Variants in FAR2 observed in about 807,000 individuals in gnomAD.
FAR2 encodes the protein epididymis secretory protein Li 81.
A neutral mutation model predicts 56.0 loss-of-function variants in FAR2; 19 were observed. That is an observed-to-expected ratio of 0.34 (90% CI 0.24 to 0.50). FAR2 has a LOEUF of 0.50. FAR2 is among the 20% of genes least tolerant of loss of function. FAR2 has a pLI of 0.98. For synonymous variants in FAR2, 219 were observed against 218.8 expected, an observed-to-expected ratio of 1.00 and a Z score of -0.01; for missense variants, 508 against 642.2, an observed-to-expected ratio of 0.79 and a Z score of 2.26.
At chr12:29,206,968 TGAA>T (rs1455285882) in intron 1 of FAR2, among the ~76,000 whole-genome samples, 9 of 152,132 alleles carry the variant, frequency 5.9e-5, no homozygotes, top group South Asian at 4.2e-4. Context: ...TGGGAATGTC[TGAA>T]GAAGGACATA....
chr12:29,254,686 T>G (rs2136682531), intron 1 of FAR2, among the ~76,000 whole-genome samples: 1 of 152,296 alleles, frequency 6.6e-6, no homozygotes, highest in Non-Finnish European at 1.5e-5. Flanking sequence ...CCATGGTAGC[T>G]CATGCCTGTA....
rs530493817 is a variant in FAR2 at position 29,227,621 on chromosome 12, T to G, written c.-38-42791T>G. ...GCCCTGTACACAGGAATATAACAAC[T>G]GATTGTCTCCAGGCAGTTTTACCTA... On this transcript the variant is annotated intron_variant, in intron 1 of 11. Coordinates refer to ENST00000536681, the MANE Select transcript of FAR2 (RefSeq NM_001271783.2). Among the ~76,000 whole-genome samples the G allele has an allele frequency of 2.6e-5, 4 of 152,340 alleles. No homozygotes were observed. The South Asian group carries it at 6.2e-4, about 24-fold the overall frequency.
At chr12:29,240,899 G>T (rs1478349047) in intron 1 of FAR2, among the ~76,000 whole-genome samples, 1 of 152,010 alleles carries the variant, frequency 6.6e-6, no homozygotes, top group Non-Finnish European at 1.5e-5. Context: ...TCCGCTTCCT[G>T]GGTTCAAGTG....
chr12:29,292,474 A>G (rs764310101), intron 2 of FAR2: 1 of 152,254 alleles, frequency 6.6e-6, no homozygotes, highest in African/African-American at 2.4e-5. Context: ...TACAATTAAC[A>G]TTAACTATCA....
intron 4 of FAR2, among the ~76,000 whole-genome samples, chr12:29,300,723 T>C (rs1467617822): frequency 6.6e-6 from 1 of 152,134 alleles, no homozygotes; most frequent in Non-Finnish European, 1.5e-5. Context: ...TTCTTATTTA[T>C]TTATTTATAA....
intron 1 of FAR2, among the ~76,000 whole-genome samples, chr12:29,269,209 G>T (rs1258146263): frequency 6.6e-6 from 1 of 152,056 alleles, no homozygotes; most frequent in Non-Finnish European, 1.5e-5. Flanking sequence ...TGCACCTTGG[G>T]GGGGCCGTTC....
intron 11 of FAR2, 22 bp downstream of exon 11, chr12:29,332,749 A>G (rs1407160685): frequency 2.5e-6 from 4 of 1,603,900 alleles, no homozygotes; most frequent in Admixed American, 1.7e-5. Flanking sequence ...CAGTCAGTTA[A>G]TATTTATTGA....
intron 1 of FAR2, among the ~76,000 whole-genome samples, 188 bp downstream of exon 1, chr12:29,149,595 C>T (rs896408224): frequency 2.6e-5 from 4 of 152,234 alleles, no homozygotes; most frequent in Admixed American, 2.6e-4. Context: ...AGGCTCTGCC[C>T]CCTGAAGCTG....
At chr12:29,226,176 A>C (rs1947765818) in intron 1 of FAR2, among the ~76,000 whole-genome samples, 1 of 152,190 alleles carries the variant, frequency 6.6e-6, no homozygotes, top group African/African-American at 2.4e-5. Context: ...AGTGATTCTT[A>C]TCTATTTTGT....
At chr12:29,249,202 A>G (rs1049713081) in intron 1 of FAR2, among the ~76,000 whole-genome samples, 10 of 152,226 alleles carry the variant, frequency 6.6e-5, no homozygotes, top group Non-Finnish European at 1.5e-4. Context: ...AAAGACAGGC[A>G]TAAGAAATTA....
At chr12:29,192,780 C>T (rs748307807) in intron 1 of FAR2, among the ~76,000 whole-genome samples, 4 of 151,996 alleles carry the variant, frequency 2.6e-5, no homozygotes, top group Non-Finnish European at 2.9e-5. Flanking sequence ...GGGATGAGGT[C>T]GATTAATTGA....
At chr12:29,206,606 A>G (rs1220890399) in intron 1 of FAR2, among the ~76,000 whole-genome samples, 1 of 152,306 alleles carries the variant, frequency 6.6e-6, no homozygotes, top group African/African-American at 2.4e-5. Context: ...GCACAGTGGG[A>G]CTCAATTCTC....
chr12:29,214,409 T>A (rs1383795412), intron 1 of FAR2, among the ~76,000 whole-genome samples: 1 of 152,222 alleles, frequency 6.6e-6, no homozygotes, highest in East Asian at 1.9e-4. Flanking sequence ...GAAACAGAAG[T>A]AATGAGACAG....
intron 1 of FAR2, among the ~76,000 whole-genome samples, chr12:29,204,184 A>G (rs1260334605): frequency 6.6e-6 from 1 of 152,054 alleles, no homozygotes; most frequent in Non-Finnish European, 1.5e-5. Flanking sequence ...ATGTCTGCGT[A>G]CAAAATGGAA....
chr12:29,212,010 A>G (rs1412191393), intron 1 of FAR2, among the ~76,000 whole-genome samples: 3 of 151,502 alleles, frequency 2.0e-5, no homozygotes, highest in African/African-American at 7.3e-5. Context: ...GAGGCCTGGA[A>G]CAGATCCTTC....
At chr12:29,256,495 C>T (rs962526672) in intron 1 of FAR2, among the ~76,000 whole-genome samples, 1 of 152,200 alleles carries the variant, frequency 6.6e-6, no homozygotes, top group East Asian at 1.9e-4. Context: ...TCCTCACAGC[C>T]CTCGCTCACT....
At chr12:29,326,751 C>G (rs1333297733) in intron 10 of FAR2, among the ~76,000 whole-genome samples, 1 of 152,102 alleles carries the variant, frequency 6.6e-6, no homozygotes, top group African/African-American at 2.4e-5. Flanking sequence ...TGGGACGTAT[C>G]TCAAAATAAT....
At chr12:29,181,006 A>G (rs925767527) in intron 1 of FAR2, among the ~76,000 whole-genome samples, 1 of 152,178 alleles carries the variant, frequency 6.6e-6, no homozygotes. Flanking sequence ...CATAATCAAT[A>G]TATGTTGTAT....
intron 1 of FAR2, among the ~76,000 whole-genome samples, chr12:29,184,510 C>G (rs534146877): frequency 3.6e-5 from 5 of 137,082 alleles, no homozygotes; most frequent in African/African-American, 1.4e-4. Context: ...TCTCAGCTCA[C>G]TGCAACCTCC....
Sources: gnomAD v4.1 joint callset for allele counts (sites outside exome capture counted in the v4.1 genomes callset) on GRCh38, gnomAD v4.1.1 for gene constraint, MANE v1.5 for transcripts, NCBI Gene and HGNC (gene_info 2026-07-23, HGNC 2026-07-21) for gene names.